The following AP3B1 variants were observed in gnomAD, a reference collection of about 807,000 sequenced individuals.
AP3B1 encodes adaptor related protein complex 3 subunit beta 1.
A neutral mutation model predicts 132.5 loss-of-function variants in AP3B1; 61 were observed. That is an observed-to-expected ratio of 0.46 (90% CI 0.37 to 0.57). The LOEUF (loss-of-function observed/expected upper bound fraction) is 0.57. Ranked by LOEUF, AP3B1 falls within the 20% of genes least tolerant of loss-of-function variation. The probability of loss-of-function intolerance (pLI) is 0.00; values close to 1 mark genes in which losing one functional copy is unlikely to be tolerated. For synonymous variants in AP3B1, 388 were observed against 438.3 expected (o/e 0.89, Z 1.43); for missense variants, 1,120 against 1,289.4 (o/e 0.87, Z 2.01).
intron 11 of AP3B1, among the ~76,000 whole-genome samples, chr5:78,173,583 T>G (rs190632298): frequency 6.6e-4 from 100 of 152,132 alleles, no homozygotes; most frequent in African/African-American, 2.3e-3. Flanking sequence ...GCTTTTTTTT[T>G]GCTTTGCATT....
At chr5:78,094,806 G>A (rs1329780324) in intron 21 of AP3B1, among the ~76,000 whole-genome samples, 1 of 151,826 alleles carries the variant, frequency 6.6e-6, no homozygotes, top group East Asian at 1.9e-4. Context: ...GCAGCCTCCC[G>A]AGTAACTGGG....
rs549346551 is a variant in AP3B1, at chr5:78,270,647, G to A, written c.129-3052C>T. ...GAATGGATATGCAGAAAAAACGCTG[G>A]AAACAGAGTCAGAACTTACCATTTC... On this transcript the variant is annotated intron_variant, in intron 1 of 26. Coordinates refer to ENST00000255194, the MANE Select transcript of AP3B1 (RefSeq NM_003664.5). Among the ~76,000 whole-genome samples the A allele has an allele frequency of 2.0e-5, 3 of 152,292 alleles. No individual in the cohort carries two copies. The East Asian group carries it at 5.8e-4, about 29-fold the overall frequency.
At chr5:78,222,552 G>C (rs1746224781) in intron 6 of AP3B1, 1 of 152,084 alleles carries the variant, frequency 6.6e-6, no homozygotes, top group Non-Finnish European at 1.5e-5. Flanking sequence ...CTTAATCAAA[G>C]AGGACAGAAT....
intron 19 of AP3B1, among the ~76,000 whole-genome samples, chr5:78,112,953 C>G (rs1561414497): frequency 6.6e-6 from 1 of 152,194 alleles, no homozygotes; most frequent in Non-Finnish European, 1.5e-5. Context: ...ATCATTAAAT[C>G]CTGACTTAAA....
chr5:78,001,380 C>T (rs1230173668), downstream of AP3B1: 1 of 152,190 alleles, frequency 6.6e-6, no homozygotes, highest in African/African-American at 2.4e-5. Flanking sequence ...GTTACCACAG[C>T]GCCCAGGCTC....
At chr5:78,128,246 G>C in intron 16 of AP3B1, 86 bp from the exon 17 acceptor site, 4 of 1,209,886 alleles carry the variant, frequency 3.3e-6, no homozygotes, top group Non-Finnish European at 4.7e-6. Context: ...AAGGTAATTG[G>C]CATATTACCT....
chr5:78,120,742 TG>T (rs1440704416), intron 17 of AP3B1, among the ~76,000 whole-genome samples: 3 of 152,118 alleles, frequency 2.0e-5, no homozygotes, highest in African/African-American at 7.2e-5. Flanking sequence ...ACATTAATAA[TG>T]GGAGACTTTA....
In AP3B1 at chr5:78,058,810, C is replaced by T. The variant is rs535916466; in HGVS notation, c.2578-19536G>A. On this transcript the variant is annotated intron_variant, in intron 22 of 26. Coordinates refer to ENST00000255194, the MANE Select transcript of AP3B1 (RefSeq NM_003664.5). ...CAATCAACATCATGACCAGAGAATA[C>T]AAGCCTGGGTGTGGTGCCGGGTTCT... is the stretch of plus-strand genomic sequence containing the variant. 6.8e-4 allele frequency among the ~76,000 whole-genome samples: 103 copies of T among 152,288 alleles called. 1 individual carries two copies. Among genetic ancestry groups the T allele is most frequent in the African/African-American group, 2.4e-3 (101 of 41,564 alleles).
At chr5:78,277,003 C>T (rs1032916307) in intron 1 of AP3B1, among the ~76,000 whole-genome samples, 4 of 151,460 alleles carry the variant, frequency 2.6e-5, no homozygotes, top group African/African-American at 9.7e-5. Context: ...ACTCAAAGTA[C>T]AAGTAATAAA....
intron 22 of AP3B1, among the ~76,000 whole-genome samples, chr5:78,066,389 A>C (rs1749290507): frequency 6.6e-6 from 1 of 152,198 alleles, no homozygotes. Context: ...AGCATGTTCT[A>C]ACCCAATGCA....
intron 2 of AP3B1, among the ~76,000 whole-genome samples, chr5:78,261,164 T>C (rs1174937871): frequency 6.6e-6 from 1 of 152,218 alleles, no homozygotes; most frequent in African/African-American, 2.4e-5. Context: ...ATTCCATTTT[T>C]AGTTTTTTAA....
intron 17 of AP3B1, among the ~76,000 whole-genome samples, chr5:78,116,487 G>T (rs984948761): frequency 6.6e-6 from 1 of 151,918 alleles, no homozygotes; most frequent in Non-Finnish European, 1.5e-5. Context: ...AAACTTTTGT[G>T]TTTTTTGGCC....
chr5:78,279,475 A>T (rs1290151594), intron 1 of AP3B1, among the ~76,000 whole-genome samples: 1 of 152,024 alleles, frequency 6.6e-6, no homozygotes, highest in African/African-American at 2.4e-5. Context: ...CTAAAATCAC[A>T]TGCCTTTTAT....
intron 22 of AP3B1, among the ~76,000 whole-genome samples, chr5:78,080,623 ATTTT>A (rs66609184): frequency 2.9e-5 from 3 of 103,548 alleles, no homozygotes; most frequent in Admixed American, 1.0e-4. Flanking sequence ...TATGCCTCCA[ATTTT>A]TTTTTTTTTT....
intron 2 of AP3B1, among the ~76,000 whole-genome samples, chr5:78,247,568 C>G (rs540857917): frequency 6.6e-6 from 1 of 151,244 alleles, no homozygotes; most frequent in African/African-American, 2.4e-5. Flanking sequence ...ATTATTATGT[C>G]TTTTTGGGAA....
At chr5:78,292,042 AT>A (rs370344176) in intron 1 of AP3B1, among the ~76,000 whole-genome samples, 42 of 149,896 alleles carry the variant, frequency 2.8e-4, no homozygotes, top group African/African-American at 9.3e-4. Context: ...GCAATGTAGC[AT>A]TTTTTTTTTA....
chr5:78,031,249 G>A (rs894441971), intron 24 of AP3B1, among the ~76,000 whole-genome samples: 2 of 152,118 alleles, frequency 1.3e-5, no homozygotes, highest in Non-Finnish European at 2.9e-5. Context: ...GCTGACTAAA[G>A]TTTTATTTTT....
chr5:78,166,662 T>G (rs1743644463), intron 11 of AP3B1, among the ~76,000 whole-genome samples: 1 of 152,010 alleles, frequency 6.6e-6, no homozygotes, highest in Admixed American at 6.6e-5. Context: ...ATAAATACAT[T>G]CATATCAATA....
At position 78,294,596 on chromosome 5, in the gene AP3B1, G is replaced by A; in HGVS notation, c.-17C>T. 1 of 1,613,900 alleles carries A rather than the reference G, an allele frequency of 6.2e-7. No individual in the cohort carries two copies. Among genetic ancestry groups the A allele is most frequent in the South Asian group, 1.1e-5 (1 of 91,086 alleles). Reference sequence around the variant, plus strand: ...GCTGGACATTGCCGCGGTGCTGGCGGGTGCGGGGTTGGTCCTGCCGGGGGT... The same window carrying A: ...GCTGGACATTGCCGCGGTGCTGGCGAGTGCGGGGTTGGTCCTGCCGGGGGT... On this transcript the variant is annotated 5_prime_UTR_variant, in exon 1 of 27. Transcript: ENST00000255194.
Sources: allele counts gnomAD v4.1 joint callset (sites outside exome capture counted in the v4.1 genomes callset), GRCh38; gene constraint gnomAD v4.1.1; transcripts MANE v1.5; gene names NCBI Gene and HGNC (gene_info 2026-07-23, HGNC 2026-07-21).